The following JAKMIP3 variants were observed in gnomAD, a reference collection of about 807,000 sequenced individuals.
The protein encoded by JAKMIP3 is Janus kinase and microtubule interacting protein 3.
In JAKMIP3, 58 loss-of-function variants were observed where a neutral mutation model predicts 118.5. That is an observed-to-expected ratio of 0.49 (90% confidence interval 0.40 to 0.61). JAKMIP3 has a LOEUF of 0.61. Ranked by LOEUF, JAKMIP3 falls within the 20% of genes least tolerant of loss-of-function variation. JAKMIP3 has a pLI of 0.00. For synonymous variants in JAKMIP3, 486 were observed against 451.2 expected (o/e 1.08, Z -0.98); for missense variants, 950 against 1,109.0 (o/e 0.86, Z 2.04).
intron 1 of JAKMIP3, among the ~76,000 whole-genome samples, chr10:132,085,967 G>T (rs1393150613): frequency 6.6e-6 from 1 of 152,034 alleles, no homozygotes; most frequent in Non-Finnish European, 1.5e-5. Context: ...ACCTTAGATT[G>T]TTTGTGCTCT....
rs59384583 is a variant in JAKMIP3, at chr10:132,078,624, G to T, written c.-138+12563G>T. Among the ~76,000 whole-genome samples, 199 of 112,730 alleles carry T rather than the reference G, an allele frequency of 1.8e-3. 3 individuals are homozygous for T. Among genetic ancestry groups the T allele is most frequent in the Admixed American group, 4.1e-3 (46 of 11,256 alleles). The allele number at this position is 112,730 out of a possible 152,430, so 74.0% of individuals were successfully genotyped here. A position where few individuals can be genotyped will look rare whatever the true frequency, so the allele number is the denominator to read the frequency against. On this transcript the variant is annotated intron_variant, in intron 1 of 23. Transcript: ENST00000684848. Reference sequence around the variant, plus strand: ...CCAGGGACCTTCTCTGGGGGCGGGGGGGGGGGGGGGTCCCGTTTCTGGCCA... The same window carrying T: ...CCAGGGACCTTCTCTGGGGGCGGGGTGGGGGGGGGGTCCCGTTTCTGGCCA...
At chr10:132,101,033 T>G (rs995481249) in intron 1 of JAKMIP3, among the ~76,000 whole-genome samples, 1 of 152,178 alleles carries the variant, frequency 6.6e-6, no homozygotes, top group African/African-American at 2.4e-5. Context: ...GAGAAAAATA[T>G]CAACTCTGCC....
rs756812023 is a variant in JAKMIP3 at position 132,044,040 on chromosome 10, A to G, written c.-138+7302A>G. On this transcript the variant is annotated intron_variant, in intron 1 of 23. Coordinates refer to the JAKMIP3 transcript ENST00000657785. The surrounding 1 kb of genome is among the most constrained non-coding windows in gnomAD (Gnocchi z 5.3). ...AAGTGCACAGACCTCGGGGTTCAGTAGGCTCTCAGGCAGTTCAGATACCGT... is the reference window on the plus strand; with the variant it reads ...AAGTGCACAGACCTCGGGGTTCAGTGGGCTCTCAGGCAGTTCAGATACCGT... Among the ~76,000 whole-genome samples, 1 of 152,188 alleles carries G rather than the reference A, an allele frequency of 6.6e-6. No individual in the cohort carries two copies. Among genetic ancestry groups the G allele is most frequent in the African/African-American group, 2.4e-5 (1 of 41,446 alleles).
intron 2 of JAKMIP3, among the ~76,000 whole-genome samples, chr10:132,108,332 T>G (rs1404292745): frequency 6.8e-6 from 1 of 146,192 alleles, no homozygotes; most frequent in Non-Finnish European, 1.5e-5. Flanking sequence ...TCTGGCCAGC[T>G]CTCTCCCTCT....
chr10:132,182,544 T>A lies in JAKMIP3; in HGVS notation c.*1291T>A, dbSNP rs1481724191. On this transcript the variant is annotated 3_prime_UTR_variant, in exon 24 of 24. Transcript: ENST00000684848. ...CTCTCAGAGCTGAATTGACAGGAGGTGTGTGTGTGTGCTCACTTGTGTGCA... is the reference window on the plus strand; with the variant it reads ...CTCTCAGAGCTGAATTGACAGGAGGAGTGTGTGTGTGCTCACTTGTGTGCA... 6.6e-6 allele frequency: 1 copy of A among 151,988 alleles called. No individual in the cohort carries two copies. Among genetic ancestry groups the A allele is most frequent in the African/African-American group, 2.4e-5 (1 of 41,364 alleles). 9.4% of individuals were successfully genotyped at this position (151,988 alleles called of 1,614,324 possible).
intron 23 of JAKMIP3, among the ~76,000 whole-genome samples, chr10:132,180,582 T>TGTGC (rs1158301996): frequency 9.4e-5 from 2 of 21,304 alleles, no homozygotes; most frequent in Non-Finnish European, 1.9e-4. Flanking sequence ...TGTGTGTGCG[T>TGTGC]GCGCGTGTGT....
In JAKMIP3 at chr10:132,179,726, C is replaced by T. The variant is rs375539567; in HGVS notation, c.*1104-2631C>T. ...CAGCAGGGCCACACCACGGCAGGGT[C>T]GCACCACAGCAGGGTCACGCCACGG... On this transcript the variant is annotated intron_variant, in intron 23 of 23. Coordinates refer to ENST00000684848, the MANE Select transcript of JAKMIP3 (RefSeq NM_001323087.2). The surrounding 1 kb of genome is among the most constrained non-coding windows in gnomAD (Gnocchi z 4.3). 4.0e-5 allele frequency among the ~76,000 whole-genome samples: 6 copies of T among 150,694 alleles called. No homozygotes were observed. The highest frequency in any genetic ancestry group is 1.9e-4 in the East Asian group (1 of 5,156).
intron 19 of JAKMIP3, among the ~76,000 whole-genome samples, chr10:132,157,350 G>A (rs1443737755): frequency 6.6e-6 from 1 of 152,148 alleles, no homozygotes; most frequent in Non-Finnish European, 1.5e-5. Flanking sequence ...CCCAAGGAGT[G>A]ACTTGGTGTG....
At chr10:132,078,776 C>CA (rs1004188946) in intron 1 of JAKMIP3, among the ~76,000 whole-genome samples, 1 of 151,896 alleles carries the variant, frequency 6.6e-6, no homozygotes, top group African/African-American at 2.4e-5. Flanking sequence ...GCTTTCCCCC[C>CA]AGGCCCGTTT....
At chr10:132,115,009 T>C (rs1169268330) in intron 2 of JAKMIP3, among the ~76,000 whole-genome samples, 3 of 152,210 alleles carry the variant, frequency 2.0e-5, no homozygotes, top group African/African-American at 7.2e-5. Flanking sequence ...TTTTCCAGGA[T>C]ATGGGAAAAG....
chr10:132,055,565 G>C (rs1271031266), intron 1 of JAKMIP3, among the ~76,000 whole-genome samples: 1 of 152,256 alleles, frequency 6.6e-6, no homozygotes, highest in East Asian at 1.9e-4. Flanking sequence ...GAAGGAGAGA[G>C]GCAAAGGATG....
At chr10:132,051,709 A>G (rs1485096738) in intron 1 of JAKMIP3, among the ~76,000 whole-genome samples, 1 of 151,580 alleles carries the variant, frequency 6.6e-6, no homozygotes, top group African/African-American at 2.4e-5. Flanking sequence ...CAAGCCATCC[A>G]TCCTCCCACC....
Position 132,163,275 on chromosome 10 carries a change from G to A in JAKMIP3, c.2287G>A (p.Glu763Lys), listed in dbSNP as rs771592271. The A allele has an allele frequency of 8.2e-6, 13 of 1,594,932 alleles. No homozygotes were observed. In the South Asian group the frequency reaches 1.5e-4, roughly 18 times the overall value. Reference protein sequence around the residue: ...LQQEAGAKVAELLSEEEREKL... With the variant: ...LQQEAGAKVAKLLSEEEREKL... ...GCAGGAGGCCGGGGCTAAGGTGGCT[G>A]AGCTGCTGTCAGAGGAGGAGCGCGA... The change falls in exon 20 of 24, where the codon GAG (glutamate) becomes AAG (lysine). Residue 763 changes from glutamate to lysine, a missense_variant. Glu to Lys is a moderately conservative substitution (Grantham distance 56). Transcript: ENST00000684848.
At chr10:132,136,161 A>G in intron 6 of JAKMIP3, 85 bp downstream of exon 6, 3 of 1,452,390 alleles carry the variant, frequency 2.1e-6, no homozygotes, top group Non-Finnish European at 2.8e-6. Flanking sequence ...AAGATTTAGC[A>G]TGACAGCCGG....
intron 19 of JAKMIP3, among the ~76,000 whole-genome samples, chr10:132,159,350 G>GT (rs2057561300): frequency 1.9e-5 from 2 of 103,738 alleles, no homozygotes; most frequent in East Asian, 2.9e-4. Flanking sequence ...TGCTGAGGGG[G>GT]CCTCTCCCTG....
In JAKMIP3 at chr10:132,105,101, C is replaced by T. The variant is rs148043368; in HGVS notation, c.135+158C>T. Among the ~76,000 whole-genome samples, 545 of 152,200 alleles carry T rather than the reference C, an allele frequency of 3.6e-3. 3 individuals carry two copies. Among genetic ancestry groups the T allele is most frequent in the African/African-American group, 0.012 (505 of 41,520 alleles). ...ACAGACCACTTGGTGGGGGGTGGGG[C>T]GGCAGGCAGTGGGAGACTTGAGGGC... On this transcript the variant is annotated intron_variant, in intron 2 of 23. Coordinates refer to ENST00000684848, the MANE Select transcript of JAKMIP3 (RefSeq NM_001323087.2).
At chr10:132,173,761 G>A (rs1247196738) in intron 23 of JAKMIP3, among the ~76,000 whole-genome samples, 1 of 107,958 alleles carries the variant, frequency 9.3e-6, no homozygotes, top group African/African-American at 3.4e-5. Context: ...TGTGTCTCTG[G>A]TGGTCTGTGG....
chr10:132,118,176 G>A lies in JAKMIP3; in HGVS notation c.633+602G>A, dbSNP rs757248462. ...TTGGGCTGGACCAGATGAGCTGCCG[G>A]TTTTGTGGATCAATGAGGTCTAACG... On this transcript the variant is annotated intron_variant, in intron 3 of 23. Transcript: ENST00000684848. This position sits in a 1 kb window ranked among gnomAD's most constrained non-coding sequence, Gnocchi z 4.8. Among the ~76,000 whole-genome samples the A allele has an allele frequency of 2.6e-4, 39 of 152,184 alleles. No homozygotes were observed. Among genetic ancestry groups the A allele is most frequent in the Non-Finnish European group, 3.8e-4 (26 of 68,030 alleles).
rs112416167 is a variant in JAKMIP3, at chr10:132,165,372, A to C, written c.2490+637A>C. On this transcript the variant is annotated intron_variant, in intron 21 of 23. Transcript: ENST00000684848. ...CGTTCAGGGCAGCGCTTGTTCTCCC[A>C]CGTGGGGCTGGTTCAGTCATGTCTG... Among the ~76,000 whole-genome samples, 516 of 152,212 alleles carry C rather than the reference A, an allele frequency of 3.4e-3. 2 individuals are homozygous for C. The highest frequency in any genetic ancestry group is 5.1e-3 in the Non-Finnish European group (349 of 68,000).
Sources: gnomAD v4.1 joint callset for allele counts (sites outside exome capture counted in the v4.1 genomes callset) on GRCh38, gnomAD v4.1.1 for gene constraint, Gnocchi (gnomAD v3.1) non-coding constraint, MANE v1.5 for transcripts, NCBI Gene and HGNC (gene_info 2026-07-23, HGNC 2026-07-21) for gene names.